Variants in STK33 observed in about 807,000 individuals in gnomAD.
STK33 encodes serine/threonine kinase 33.
A neutral mutation model predicts 58.0 loss-of-function variants in STK33; 52 were observed. That is an observed-to-expected ratio of 0.90 (90% confidence interval 0.72 to 1.13). The LOEUF is 1.13. Among genes scored for constraint, STK33 ranks in the 50% most tolerant of loss-of-function variants. The probability of loss-of-function intolerance (pLI) is 0.00; values close to 1 mark genes in which losing one functional copy is unlikely to be tolerated. For missense variants in STK33, 630 were observed against 604.2 expected (o/e 1.04, Z -0.45); for synonymous variants, 215 against 200.1 (o/e 1.07, Z -0.63).
intron 14 of STK33, among the ~76,000 whole-genome samples, chr11:8,419,067 C>T (rs1278331845): frequency 6.6e-6 from 1 of 152,074 alleles, no homozygotes; most frequent in Non-Finnish European, 1.5e-5. Context: ...TTGTACTGTA[C>T]AGAAGCTCTT....
chr11:8,415,256 C>T (rs1160658661), intron 14 of STK33, among the ~76,000 whole-genome samples: 2 of 152,100 alleles, frequency 1.3e-5, no homozygotes, highest in East Asian at 3.9e-4. Context: ...TGGCTCCTCC[C>T]TGACAAGCCC....
intron 1 of STK33, among the ~76,000 whole-genome samples, chr11:8,532,715 T>A (rs1954649724): frequency 6.6e-6 from 1 of 152,208 alleles, no homozygotes; most frequent in South Asian, 2.1e-4. Flanking sequence ...TTGCAATTGA[T>A]TAGAGATGTC....
intron 1 of STK33, among the ~76,000 whole-genome samples, chr11:8,568,889 T>G (rs1957619294): frequency 1.3e-5 from 2 of 152,188 alleles, no homozygotes; most frequent in Admixed American, 1.3e-4. Flanking sequence ...AACAATTCAG[T>G]TCCACCAAAG....
intron 1 of STK33, among the ~76,000 whole-genome samples, chr11:8,510,611 C>T (rs936391215): frequency 6.6e-6 from 1 of 152,068 alleles, no homozygotes; most frequent in African/African-American, 2.4e-5. Flanking sequence ...CCAATGTTAT[C>T]TTCCAGAATT....
chr11:8,421,111 T>A (rs1941860335), intron 14 of STK33, among the ~76,000 whole-genome samples: 1 of 152,204 alleles, frequency 6.6e-6, no homozygotes, highest in Admixed American at 6.5e-5. Context: ...GCTTTCCTTC[T>A]GGTGTTGTTT....
intron 1 of STK33, among the ~76,000 whole-genome samples, chr11:8,576,167 T>C (rs1958166437): frequency 6.6e-6 from 1 of 151,196 alleles, no homozygotes; most frequent in Non-Finnish European, 1.5e-5. Flanking sequence ...GAATGGGGAG[T>C]TGAAAACAAA....
the STK33 span, among the ~76,000 whole-genome samples, chr11:8,384,489 G>C: frequency 6.6e-6 from 1 of 152,086 alleles, no homozygotes; most frequent in Non-Finnish European, 1.5e-5. Context: ...ACAGACATCC[G>C]GAGGCTTAAA....
In STK33 at chr11:8,470,238, C is replaced by T. The variant is rs141287026; in HGVS notation, c.339+2925G>A. The stretch of plus-strand genomic sequence containing the variant: ...TCTGGATAACTTGCTGCAGCTTCTA[C>T]ATCAGCACTTGCTGCTTCCACCTTT... On this transcript the variant is annotated intron_variant, in intron 6 of 15. Coordinates refer to ENST00000687296, the MANE Select transcript of STK33 (RefSeq NM_001352389.2). Among the ~76,000 whole-genome samples, 940 of 152,364 alleles carry T rather than the reference C, an allele frequency of 6.2e-3. 12 individuals carry two copies. Among genetic ancestry groups the T allele is most frequent in the African/African-American group, 0.022 (899 of 41,588 alleles).
chr11:8,508,718 G>A (rs1407464516), intron 1 of STK33, among the ~76,000 whole-genome samples: 3 of 152,168 alleles, frequency 2.0e-5, no homozygotes, highest in East Asian at 1.9e-4. Flanking sequence ...ATCGGGACAT[G>A]TGAGGAATTA....
chr11:8,587,726 A>G (rs977656334), intron 1 of STK33, among the ~76,000 whole-genome samples: 4 of 152,118 alleles, frequency 2.6e-5, no homozygotes, highest in African/African-American at 9.7e-5. Flanking sequence ...TTCTTGGGAA[A>G]GGGCAATCCT....
At chr11:8,508,633 T>A (rs1307313456) in intron 1 of STK33, among the ~76,000 whole-genome samples, 2 of 152,102 alleles carry the variant, frequency 1.3e-5, no homozygotes, top group African/African-American at 4.8e-5. Flanking sequence ...ACACCCCTCA[T>A]CCCACTAAAT....
chr11:8,406,814 T>C (rs954881917), intron 15 of STK33, among the ~76,000 whole-genome samples: 11 of 152,096 alleles, frequency 7.2e-5, no homozygotes, highest in African/African-American at 2.7e-4. Flanking sequence ...TTACAATATA[T>C]ATAATTTTAT....
At chr11:8,473,106 C>T in intron 6 of STK33, 57 bp downstream of exon 6, 1 of 1,034,684 alleles carries the variant, frequency 9.7e-7, no homozygotes, top group Non-Finnish European at 1.4e-6. Context: ...TTCCTATTAA[C>T]CATTGACTTA....
At chr11:8,364,170 T>C in the STK33 span, among the ~76,000 whole-genome samples, 1 of 152,230 alleles carries the variant, frequency 6.6e-6, no homozygotes, top group Non-Finnish European at 1.5e-5. Context: ...ACGTTCGTCT[T>C]CACTAAGTTC....
chr11:8,341,470 T>TC, the STK33 span, among the ~76,000 whole-genome samples: 1 of 152,210 alleles, frequency 6.6e-6, no homozygotes, highest in Non-Finnish European at 1.5e-5. Context: ...CAGATCATCT[T>TC]CCCCACTCAG....
chr11:8,578,013 G>C (rs1315992152), intron 1 of STK33, among the ~76,000 whole-genome samples: 1 of 152,106 alleles, frequency 6.6e-6, no homozygotes, highest in Non-Finnish European at 1.5e-5. Context: ...ACTCTGGTGA[G>C]TAAATGTCTG....
At chr11:8,489,489 C>G (rs1448863738) in intron 1 of STK33, among the ~76,000 whole-genome samples, 2 of 152,084 alleles carry the variant, frequency 1.3e-5, no homozygotes, top group Admixed American at 1.3e-4. Context: ...GGCACTAGCA[C>G]CTGGTGAATA....
At chr11:8,560,295 T>G (rs2140919545) in intron 1 of STK33, among the ~76,000 whole-genome samples, 1 of 152,274 alleles carries the variant, frequency 6.6e-6, no homozygotes, top group East Asian at 1.9e-4. Context: ...TCTTTCTCAA[T>G]TTGATAAATG....
chr11:8,426,577 C>A (rs956846321), intron 14 of STK33, among the ~76,000 whole-genome samples: 1 of 152,208 alleles, frequency 6.6e-6, no homozygotes, highest in Non-Finnish European at 1.5e-5. Flanking sequence ...CGTGAGCCAC[C>A]ATGCCCAGCC....
Sources: allele counts gnomAD v4.1 joint callset (sites outside exome capture counted in the v4.1 genomes callset), GRCh38; gene constraint gnomAD v4.1.1; transcripts MANE v1.5; gene names NCBI Gene and HGNC (gene_info 2026-07-23, HGNC 2026-07-21).